Variants in TBC1D7 observed in about 807,000 individuals in gnomAD.
The protein encoded by TBC1D7 is TBC domain family 7.
A neutral mutation model predicts 35.3 loss-of-function variants in TBC1D7; 33 were observed. The observed-to-expected ratio is 0.93, with a 90% CI of 0.71 to 1.25. TBC1D7 has a LOEUF of 1.25. Among genes scored for constraint, TBC1D7 ranks in the 50% most tolerant of loss-of-function variants. The pLI is 0.00. For missense variants in TBC1D7, 362 were observed against 365.3 expected (o/e 0.99, Z 0.07); for synonymous variants, 135 against 129.5 (o/e 1.04, Z -0.29).
chr6:13,325,919 A>C (rs555821277), intron 2 of TBC1D7, among the ~76,000 whole-genome samples: 32 of 152,342 alleles, frequency 2.1e-4, no homozygotes, highest in African/African-American at 7.5e-4. Flanking sequence ...AATAAATTAC[A>C]GTGACTTCCC....
chr6:13,306,560 T>C (rs778674656), intron 6 of TBC1D7, 33 bp from the exon 7 acceptor site: 2 of 1,532,644 alleles, frequency 1.3e-6, no homozygotes, highest in Non-Finnish European at 1.8e-6. Context: ...TCAAATTATA[T>C]GAGTTTCAGA....
chr6:13,309,316 A>G (rs1783031812), intron 5 of TBC1D7, among the ~76,000 whole-genome samples: 1 of 152,244 alleles, frequency 6.6e-6, no homozygotes, highest in Non-Finnish European at 1.5e-5. Context: ...TGAACATTTT[A>G]AAACTATGTA....
chr6:13,317,183 C>CT (rs1163184061), intron 4 of TBC1D7, among the ~76,000 whole-genome samples: 3 of 152,130 alleles, frequency 2.0e-5, no homozygotes, highest in African/African-American at 7.2e-5. Flanking sequence ...TCACGCATAC[C>CT]TTCAGAATTT....
intron 2 of TBC1D7, among the ~76,000 whole-genome samples, chr6:13,325,690 G>T (rs138600109): frequency 1.1e-4 from 16 of 152,258 alleles, no homozygotes; most frequent in African/African-American, 3.9e-4. Flanking sequence ...AAAACAATTT[G>T]CATTTTACAG....
intron 4 of TBC1D7, chr6:13,320,555 AATTTTTT>A: frequency 1.7e-6 from 1 of 571,954 alleles, no homozygotes. Flanking sequence ...TAGCACCTAC[AATTTTTT>A]ATTTTTTAAC....
chr6:13,306,267 G>A, intron 7 of TBC1D7, 131 bp downstream of exon 7: 1 of 639,182 alleles, frequency 1.6e-6, no homozygotes, highest in Non-Finnish European at 2.5e-6. Flanking sequence ...ATTATTCTCT[G>A]AAACATTCTA....
Position 13,320,971 on chromosome 6 carries a change from T to C in TBC1D7, c.318A>G (p.Glu106=). The change falls in exon 4 of 8, where the codon GAA becomes GAG. Residue 106 remains glutamate, a synonymous_variant. Transcript: ENST00000379300. ...RFVSDATPQA[E]VYLRMYQLES... ...CCAGCTGATACATGCGGAGATAGACTTCAGCCTGAGGTGTGGCATCACTAA... is the reference window on the plus strand; with the variant it reads ...CCAGCTGATACATGCGGAGATAGACCTCAGCCTGAGGTGTGGCATCACTAA... The C allele has an allele frequency of 6.2e-7, 1 of 1,614,186 alleles. No individual in the cohort carries two copies. The highest frequency in any genetic ancestry group is 1.6e-4 in the Middle Eastern group (1 of 6,062).
At chr6:13,324,982 A>C in intron 3 of TBC1D7, 112 bp downstream of exon 3, 1 of 709,432 alleles carries the variant, frequency 1.4e-6, no homozygotes, top group Non-Finnish European at 2.4e-6. Context: ...GGAAGATCCA[A>C]TATTCAGTAA....
intron 4 of TBC1D7, chr6:13,319,616 C>T (rs1035195223): frequency 1.3e-5 from 2 of 152,070 alleles, no homozygotes; most frequent in African/African-American, 4.8e-5. Flanking sequence ...TACAGAGTAG[C>T]TGTCAGTATT....
chr6:13,324,540 G>A (rs986895369), intron 3 of TBC1D7, among the ~76,000 whole-genome samples: 2 of 152,180 alleles, frequency 1.3e-5, no homozygotes, highest in Non-Finnish European at 2.9e-5. Flanking sequence ...AAGGGATGCT[G>A]CCAGTTACTC....
chr6:13,313,452 A>T (rs894189556), intron 5 of TBC1D7, among the ~76,000 whole-genome samples: 20 of 152,234 alleles, frequency 1.3e-4, no homozygotes, highest in African/African-American at 4.8e-4. Context: ...CCTTTGGATG[A>T]GCAGCCAGGC....
Position 13,320,982 on chromosome 6 carries a change from G to A in TBC1D7, c.307C>T (p.Pro103Ser). ...KVVRFVSDAT[P>S]QAEVYLRMYQ... ...ATGCGGAGATAGACTTCAGCCTGAG[G>A]TGTGGCATCACTAACAAAGCGAACG... Residue 103 changes from proline to serine, a missense_variant, in exon 4 of 8, where the codon CCT (proline) becomes TCT (serine). Coordinates refer to ENST00000379300, the MANE Select transcript of TBC1D7 (RefSeq NM_016495.6). 9.3e-6 allele frequency: 15 copies of A among 1,614,228 alleles called. No homozygotes were observed. The highest frequency in any genetic ancestry group is 1.3e-5 in the Non-Finnish European group (15 of 1,180,038).
At position 13,320,941 on chromosome 6, in the gene TBC1D7, A is replaced by G. The variant is rs201267921; in HGVS notation, c.348T>C (p.Ser116=). ...EVYLRMYQLE[S]GKLPRSPSFP... ...AAGAGGGACTTCGAGGTAACTTCCC[A>G]GACTCCAGCTGATACATGCGGAGAT... The change falls in exon 4 of 8, where the codon TCT becomes TCC. Residue 116 remains serine, a synonymous_variant. Coordinates refer to ENST00000379300, the MANE Select transcript of TBC1D7 (RefSeq NM_016495.6). 77 of 1,614,084 alleles carry G rather than the reference A, an allele frequency of 4.8e-5. No individual in the cohort carries two copies. Among genetic ancestry groups the G allele is most frequent in the Non-Finnish European group, 6.0e-5 (71 of 1,180,048 alleles).
intron 6 of TBC1D7, 103 bp downstream of exon 6, chr6:13,307,489 AATTACTGT>A: frequency 9.3e-7 from 1 of 1,078,346 alleles, no homozygotes; most frequent in Non-Finnish European, 1.4e-6. Flanking sequence ...CTGAGCTTCA[AATTACTGT>A]ATTGTTCTAA....
intron 5 of TBC1D7, among the ~76,000 whole-genome samples, chr6:13,309,021 C>T (rs891278679): frequency 6.6e-6 from 1 of 152,168 alleles, no homozygotes; most frequent in African/African-American, 2.4e-5. Context: ...CAAAGAGGGG[C>T]CCACATCATA....
chr6:13,312,294 G>C (rs1783276010), intron 5 of TBC1D7, among the ~76,000 whole-genome samples: 1 of 152,156 alleles, frequency 6.6e-6, no homozygotes, highest in Admixed American at 6.6e-5. Context: ...TGGTGTTGCA[G>C]GTAAGCGTAA....
intron 5 of TBC1D7, among the ~76,000 whole-genome samples, chr6:13,311,678 G>T (rs1210627308): frequency 6.6e-6 from 1 of 152,140 alleles, no homozygotes; most frequent in African/African-American, 2.4e-5. Context: ...TACACAAAAA[G>T]AAGCCCCATT....
Position 13,306,503 on chromosome 6 carries a change from T to C in TBC1D7, c.690A>G (p.Gly230=), listed in dbSNP as rs1392851150. The C allele has an allele frequency of 6.2e-7, 1 of 1,606,442 alleles. No homozygotes were observed. The highest frequency in any genetic ancestry group is 1.7e-5 in the Admixed American group (1 of 57,898). The stretch of plus-strand genomic sequence containing the variant: ...CTACAAAAACTAGGATCTTACAGGA[T>C]CCACTCACAACTTTATCCCAAACCC... The part of the protein sequence containing the change: ...LQRVWDKVVS[G]SCKILVFVAV... The change falls in exon 7 of 8, where the codon GGA becomes GGG. Residue 230 remains glycine (G), a synonymous_variant. Transcript: ENST00000379300.
chr6:13,316,010 A>G (rs527771506), intron 5 of TBC1D7, among the ~76,000 whole-genome samples: 3 of 152,024 alleles, frequency 2.0e-5, no homozygotes, highest in African/African-American at 7.2e-5. Context: ...TCTGCCTAGA[A>G]CACAGACGTC....
Sources: allele counts gnomAD v4.1 joint callset (sites outside exome capture counted in the v4.1 genomes callset), GRCh38; gene constraint gnomAD v4.1.1; transcripts MANE v1.5; gene names NCBI Gene and HGNC (gene_info 2026-07-23, HGNC 2026-07-21).